CNTN1: variants seen among roughly 807,000 people sequenced by gnomAD.
CNTN1 encodes contactin-1.
Under a neutral mutation model 126.4 loss-of-function variants are expected in CNTN1, and 38 were observed. The ratio of observed to expected loss-of-function variants is 0.30; its 90% CI spans 0.23 to 0.39. CNTN1 has a LOEUF of 0.39. Ranked by LOEUF, CNTN1 falls within the 10% of genes least tolerant of loss-of-function variation. CNTN1 has a pLI of 1.00. For synonymous variants in CNTN1, 413 were observed against 422.6 expected (o/e 0.98, Z 0.28); for missense variants, 1,009 against 1,248.4 (o/e 0.81, Z 2.89).
intron 23 of CNTN1, among the ~76,000 whole-genome samples, chr12:41,054,818 A>G (rs1949765918): frequency 6.6e-6 from 1 of 152,082 alleles, no homozygotes; most frequent in South Asian, 2.1e-4. Flanking sequence ...ATTTTCATTT[A>G]TATGTGTTAA....
chr12:41,007,966 G>A (rs1249662302), intron 17 of CNTN1, among the ~76,000 whole-genome samples: 1 of 152,198 alleles, frequency 6.6e-6, no homozygotes, highest in African/African-American at 2.4e-5. Context: ...CCTTACCAAG[G>A]ACTCTCATTC....
Position 40,944,141 on chromosome 12 carries a change from G to T in CNTN1, c.1654G>T (p.Glu552Ter). ...TGGCTATGTGATCGATTTTAACAAA[G>T]AGAATATTCACTACCAGAGGAATTT... ...FNGYVIDFNK[E>*]NIHYQRNFML... Residue 552 changes from glutamate (E) to a stop codon, truncating the protein, a stop_gained, in exon 14 of 24, where the codon GAG becomes TAG. Transcript: ENST00000551295. LOFTEE classifies it high-confidence loss of function. The T allele has an allele frequency of 6.2e-7, 1 of 1,613,288 alleles. No individual in the cohort carries two copies. The highest frequency in any genetic ancestry group is 8.5e-7 in the Non-Finnish European group (1 of 1,179,506).
chr12:40,919,135 A>G (rs1006724954), intron 4 of CNTN1, among the ~76,000 whole-genome samples: 5 of 152,180 alleles, frequency 3.3e-5, no homozygotes, highest in African/African-American at 1.2e-4. Flanking sequence ...ACTGGCCTGC[A>G]TAACTCATAC....
intron 1 of CNTN1, among the ~76,000 whole-genome samples, chr12:40,773,694 C>CATATATAT (rs1939458294): frequency 1.2e-4 from 1 of 8,580 alleles, no homozygotes; most frequent in African/African-American, 3.8e-4. Flanking sequence ...TATATATATA[C>CATATATAT]ACATATATAT....
intron 1 of CNTN1, among the ~76,000 whole-genome samples, chr12:40,830,832 T>TGTAC (rs1941795843): frequency 1.1e-5 from 1 of 88,694 alleles, no homozygotes; most frequent in Admixed American, 1.3e-4. Flanking sequence ...TATATATATA[T>TGTAC]ATACTCTTTA....
intron 1 of CNTN1, among the ~76,000 whole-genome samples, chr12:40,760,626 G>A (rs745719035): frequency 4.6e-5 from 7 of 152,000 alleles, no homozygotes; most frequent in South Asian, 2.1e-4. Flanking sequence ...ATTATTTTGT[G>A]ATTTTAAAAG....
chr12:41,014,072 G>C (rs1287442732), intron 17 of CNTN1, among the ~76,000 whole-genome samples, 156 bp from the exon 18 acceptor site: 2 of 152,168 alleles, frequency 1.3e-5, no homozygotes, highest in Non-Finnish European at 2.9e-5. Flanking sequence ...GTGAGCCATT[G>C]TTATTATAAT....
chr12:40,922,934 G>A (rs1379099410), intron 5 of CNTN1, among the ~76,000 whole-genome samples: 1 of 138,136 alleles, frequency 7.2e-6, no homozygotes, highest in Non-Finnish European at 1.5e-5. Context: ...TTGTGCCACT[G>A]CATTCCAGCC....
At chr12:40,844,124 G>A (rs187217246) in intron 1 of CNTN1, among the ~76,000 whole-genome samples, 1 of 121,976 alleles carries the variant, frequency 8.2e-6, no homozygotes, top group Admixed American at 1.1e-4. Flanking sequence ...CTGGAGTGCA[G>A]TGGCACGATC....
chr12:40,821,252 G>C (rs1941432238), intron 1 of CNTN1, among the ~76,000 whole-genome samples: 1 of 152,202 alleles, frequency 6.6e-6, no homozygotes, highest in African/African-American at 2.4e-5. Flanking sequence ...TATGTATCCA[G>C]AGAGACAGAT....
intron 1 of CNTN1, among the ~76,000 whole-genome samples, chr12:40,881,297 A>G (rs1272592642): frequency 6.6e-6 from 1 of 151,900 alleles, no homozygotes; most frequent in Non-Finnish European, 1.5e-5. Flanking sequence ...TATGGCTATA[A>G]ATTGTGTGAA....
intron 1 of CNTN1, among the ~76,000 whole-genome samples, chr12:40,760,340 A>G (rs1427101920): frequency 2.0e-5 from 3 of 152,218 alleles, no homozygotes; most frequent in Non-Finnish European, 2.9e-5. Flanking sequence ...AGAGATGACT[A>G]TATATCAAAA....
At chr12:40,828,935 G>A (rs1287115780) in intron 1 of CNTN1, among the ~76,000 whole-genome samples, 3 of 152,082 alleles carry the variant, frequency 2.0e-5, no homozygotes, top group African/African-American at 7.2e-5. Flanking sequence ...ATGGATAGAT[G>A]ACGTGTTGTG....
chr12:40,816,386 T>C (rs1941256352), intron 1 of CNTN1, among the ~76,000 whole-genome samples: 1 of 152,206 alleles, frequency 6.6e-6, no homozygotes, highest in Non-Finnish European at 1.5e-5. Context: ...TGATACGGTG[T>C]ACATGTCCAG....
chr12:40,794,348 G>A (rs74076608), intron 1 of CNTN1, among the ~76,000 whole-genome samples: 442 of 152,010 alleles, frequency 2.9e-3, no homozygotes, highest in African/African-American at 0.01. Flanking sequence ...GTGGAATAGT[G>A]TTTTATTCCT....
At chr12:40,748,415 C>G (rs755077614) in intron 1 of CNTN1, among the ~76,000 whole-genome samples, 10 of 152,096 alleles carry the variant, frequency 6.6e-5, no homozygotes, top group Admixed American at 1.3e-4. Flanking sequence ...TAGTGAGGGA[C>G]AGAGTGGGAT....
intron 1 of CNTN1, among the ~76,000 whole-genome samples, chr12:40,906,906 G>A (rs938840439): frequency 6.6e-6 from 1 of 151,998 alleles, no homozygotes; most frequent in African/African-American, 2.4e-5. Context: ...TCGAACTCCT[G>A]ACCTCAGGTG....
At chr12:40,787,174 C>G (rs1360940736) in intron 1 of CNTN1, among the ~76,000 whole-genome samples, 1 of 152,046 alleles carries the variant, frequency 6.6e-6, no homozygotes, top group Non-Finnish European at 1.5e-5. Flanking sequence ...TATAATATAA[C>G]CTCTCAATTG....
intron 15 of CNTN1, among the ~76,000 whole-genome samples, chr12:40,964,075 T>A (rs1425068558): frequency 6.6e-6 from 1 of 152,158 alleles, no homozygotes; most frequent in Non-Finnish European, 1.5e-5. Flanking sequence ...CTGGTATTTC[T>A]GATGTATTAT....
Sources: gnomAD v4.1 joint callset for allele counts (sites outside exome capture counted in the v4.1 genomes callset) on GRCh38, gnomAD v4.1.1 for gene constraint, MANE v1.5 for transcripts, NCBI Gene and HGNC (gene_info 2026-07-23, HGNC 2026-07-21) for gene names.